WWOX: variants seen among roughly 807,000 people sequenced by gnomAD.
The protein encoded by WWOX is WW domain containing oxidoreductase.
A neutral mutation model predicts 46.2 loss-of-function variants in WWOX; 69 were observed. The ratio of observed to expected loss-of-function variants is 1.49; its 90% confidence interval spans 1.23 to 1.82. The LOEUF is 1.82. WWOX is among the 40% of genes most tolerant of loss of function. The pLI is 0.00. For missense variants in WWOX, 919 were observed against 542.6 expected (o/e 1.69, Z -6.89); for synonymous variants, 359 against 202.6 (o/e 1.77, Z -6.56).
chr16:78,184,034 A>G (rs1597323030), intron 5 of WWOX, among the ~76,000 whole-genome samples: 1 of 149,018 alleles, frequency 6.7e-6, no homozygotes, highest in African/African-American at 2.5e-5. Context: ...CAATATAAAA[A>G]CCTCCCCCGT....
In WWOX at chr16:79,211,705, C is replaced by T; in HGVS notation, c.1154C>T (p.Ser385Leu). The T allele has an allele frequency of 1.2e-6, 2 of 1,614,236 alleles. No homozygotes were observed. Among genetic ancestry groups the T allele is most frequent in the Non-Finnish European group, 8.5e-7 (1 of 1,180,046 alleles). ...YFNNCCRCMP[S>L]PEAQSEETAR... ...AACAACTGCTGCCGCTGCATGCCCT[C>T]ACCAGAAGCTCAGAGCGAAGAGACG... The change falls in exon 9 of 9, where the codon TCA becomes TTA. Residue 385 changes from serine to leucine, a missense_variant. Ser to Leu is a moderately radical substitution (Grantham distance 145). Coordinates refer to ENST00000566780, the MANE Select transcript of WWOX (RefSeq NM_016373.4).
At chr16:78,619,884 A>G (rs2046134931) in intron 8 of WWOX, among the ~76,000 whole-genome samples, 1 of 152,160 alleles carries the variant, frequency 6.6e-6, no homozygotes, top group Non-Finnish European at 1.5e-5. Flanking sequence ...CCTGGGCGAC[A>G]GAGTGAGAAC....
chr16:79,186,348 G>C (rs959162104), intron 8 of WWOX, among the ~76,000 whole-genome samples: 1 of 152,194 alleles, frequency 6.6e-6, no homozygotes, highest in Non-Finnish European at 1.5e-5. Context: ...TCCTTCTCTA[G>C]AGAACTCTCC....
intron 4 of WWOX, among the ~76,000 whole-genome samples, chr16:78,121,585 G>T (rs1187246634): frequency 6.6e-6 from 1 of 151,962 alleles, no homozygotes; most frequent in African/African-American, 2.4e-5. Flanking sequence ...CTTATAATAG[G>T]GGTGTGTGTA....
chr16:78,374,527 A>ATTTTTTTTTTTTT (rs541225697), intron 5 of WWOX, among the ~76,000 whole-genome samples: 3 of 70,902 alleles, frequency 4.2e-5, no homozygotes, highest in Admixed American at 1.6e-4. Flanking sequence ...TCTGTCTTGA[A>ATTTTTTTTTTTTT]TTTTTTTTTT....
intron 8 of WWOX, among the ~76,000 whole-genome samples, chr16:78,847,969 G>C (rs948195571): frequency 6.6e-6 from 1 of 152,066 alleles, no homozygotes; most frequent in African/African-American, 2.4e-5. Context: ...GCTGGAGCAT[G>C]GTGGCCACAT....
chr16:79,007,822 C>G (rs1385905408), intron 8 of WWOX, among the ~76,000 whole-genome samples: 1 of 152,170 alleles, frequency 6.6e-6, no homozygotes, highest in East Asian at 1.9e-4. Flanking sequence ...AGAAAGTAAT[C>G]ATCATAACCT....
At chr16:78,229,322 A>G (rs547301161) in intron 5 of WWOX, among the ~76,000 whole-genome samples, 85 of 150,850 alleles carry the variant, frequency 5.6e-4, no homozygotes, top group African/African-American at 1.9e-3. Context: ...ACAATTCCTG[A>G]CTCTTGATCA....
chr16:79,189,825 T>TTATTTGGGATATCAATTTG (rs1304743935), intron 8 of WWOX, among the ~76,000 whole-genome samples: 1 of 150,570 alleles, frequency 6.6e-6, no homozygotes, highest in East Asian at 2.0e-4. Flanking sequence ...TTTGGCATCT[T>TTATTTGGGATATCAATTTG]GCAATTGATA....
At chr16:78,807,696 A>G (rs2051079209) in intron 8 of WWOX, among the ~76,000 whole-genome samples, 1 of 152,230 alleles carries the variant, frequency 6.6e-6, no homozygotes, top group Non-Finnish European at 1.5e-5. Flanking sequence ...GATTCTCAGA[A>G]AGAAGAAACA....
chr16:78,150,778 C>T (rs1268287630), intron 4 of WWOX, among the ~76,000 whole-genome samples: 4 of 152,220 alleles, frequency 2.6e-5, no homozygotes, highest in Admixed American at 2.6e-4. Flanking sequence ...CTCCTCTTCC[C>T]CCAAGGCGGG....
chr16:78,601,795 T>C (rs2045629085), intron 8 of WWOX, among the ~76,000 whole-genome samples: 1 of 152,210 alleles, frequency 6.6e-6, no homozygotes, highest in African/African-American at 2.4e-5. Context: ...TGATTTTCTC[T>C]GCGGAAGAGT....
chr16:78,874,531 T>G (rs1364058319), intron 8 of WWOX, among the ~76,000 whole-genome samples: 1 of 152,068 alleles, frequency 6.6e-6, no homozygotes, highest in Admixed American at 6.5e-5. Flanking sequence ...GCGCCTGGTA[T>G]ACAGGAAGAA....
intron 4 of WWOX, among the ~76,000 whole-genome samples, chr16:78,131,985 C>T (rs925958188): frequency 4.0e-5 from 6 of 149,386 alleles, no homozygotes; most frequent in African/African-American, 1.5e-4. Context: ...CTCATTAAGT[C>T]TTACTACTAG....
chr16:78,876,645 A>C (rs1403459850), intron 8 of WWOX, among the ~76,000 whole-genome samples: 1 of 152,178 alleles, frequency 6.6e-6, no homozygotes, highest in Non-Finnish European at 1.5e-5. Context: ...AGATCTCTAA[A>C]AGGCAGAAGT....
chr16:78,276,897 G>C (rs2079588293), intron 5 of WWOX, among the ~76,000 whole-genome samples: 1 of 152,170 alleles, frequency 6.6e-6, no homozygotes, highest in Admixed American at 6.6e-5. Context: ...GCTTGTGATG[G>C]ATAGTTTTTA....
chr16:78,409,135 G>C (rs937221021), intron 6 of WWOX, among the ~76,000 whole-genome samples: 4 of 152,038 alleles, frequency 2.6e-5, no homozygotes, highest in African/African-American at 9.6e-5. Context: ...TGTATACACA[G>C]TGGCTCACTC....
Position 78,518,199 on chromosome 16 carries a change from C to T in WWOX, c.1056+85447C>T, listed in dbSNP as rs553615619. The stretch of plus-strand genomic sequence containing the variant: ...GGGGCTTAATATGTGGTAGTTGTTG[C>T]TGTTTTTGTTATTATTATTATTAAT... On this transcript the variant is annotated intron_variant, in intron 8 of 8. Coordinates refer to ENST00000566780, the MANE Select transcript of WWOX (RefSeq NM_016373.4). Among the ~76,000 whole-genome samples, 8 of 151,910 alleles carry T rather than the reference C, an allele frequency of 5.3e-5. No individual in the cohort carries two copies. The East Asian group carries it at 9.7e-4, about 18-fold the overall frequency.
At chr16:78,713,201 G>C (rs1242654291) in intron 8 of WWOX, among the ~76,000 whole-genome samples, 1 of 145,990 alleles carries the variant, frequency 6.8e-6, no homozygotes, top group African/African-American at 2.6e-5. Flanking sequence ...GAGCCTGGTA[G>C]AGGTGGAGGC....
Sources: allele counts gnomAD v4.1 joint callset (sites outside exome capture counted in the v4.1 genomes callset), GRCh38; gene constraint gnomAD v4.1.1; transcripts MANE v1.5; gene names NCBI Gene and HGNC (gene_info 2026-07-23, HGNC 2026-07-21).